Variants in HAUS6 observed in about 807,000 individuals in gnomAD.
The protein encoded by HAUS6 is HAUS augmin like complex subunit 6.
In HAUS6, 80 loss-of-function variants were observed where a neutral mutation model predicts 106.8. That is an observed-to-expected ratio of 0.75 (90% CI 0.63 to 0.90). The LOEUF (loss-of-function observed/expected upper bound fraction) is 0.90, where lower values mean the gene tolerates loss of function less well. Among genes scored for constraint, HAUS6 ranks in the 40% least tolerant of loss-of-function variants. The pLI is 0.00. For synonymous variants in HAUS6, 356 were observed against 379.1 expected, an observed-to-expected ratio of 0.94 and a Z score of 0.71; for missense variants, 1,155 against 1,118.1, an observed-to-expected ratio of 1.03 and a Z score of -0.47.
At chr9:19,061,005 A>G (rs991047865) in intron 14 of HAUS6, among the ~76,000 whole-genome samples, 3 of 152,138 alleles carry the variant, frequency 2.0e-5, no homozygotes, top group African/African-American at 4.8e-5. Flanking sequence ...TCTCTACTAA[A>G]AATACAAAAT....
chr9:19,066,263 C>T (rs1406108221), intron 12 of HAUS6, among the ~76,000 whole-genome samples: 3 of 151,326 alleles, frequency 2.0e-5, no homozygotes, highest in Non-Finnish European at 2.9e-5. Flanking sequence ...TCGTGGTATA[C>T]AAAGCCTAGA....
chr9:19,096,324 G>T (rs1393710573), intron 2 of HAUS6, among the ~76,000 whole-genome samples: 1 of 152,210 alleles, frequency 6.6e-6, no homozygotes, highest in Non-Finnish European at 1.5e-5. Flanking sequence ...CAGCGCTTTG[G>T]GAGGCCGAGG....
chr9:19,064,070 C>T lies in HAUS6; in HGVS notation c.1377-490G>A, dbSNP rs13287117. 1.3e-4 allele frequency among the ~76,000 whole-genome samples: 20 copies of T among 151,532 alleles called. No homozygotes were observed. In the East Asian group the frequency reaches 3.7e-3, roughly 28 times the overall value. ...ACGACCTCCGCCTCCCAGGTTCAAG[C>T]GATTCTCCTGCCTCAGCCTCCTGAG... On this transcript the variant is annotated intron_variant, in intron 12 of 16. Transcript: ENST00000380502.
At chr9:19,091,350 T>C (rs1305368393) in intron 4 of HAUS6, among the ~76,000 whole-genome samples, 5 of 150,624 alleles carry the variant, frequency 3.3e-5, no homozygotes, top group African/African-American at 1.2e-4. Context: ...TAACAGGAAA[T>C]GAGTGTACCG....
chr9:19,060,541 T>G (rs906556508), intron 14 of HAUS6, among the ~76,000 whole-genome samples: 2 of 152,252 alleles, frequency 1.3e-5, no homozygotes, highest in African/African-American at 4.8e-5. Flanking sequence ...AGCTGCTGTC[T>G]GCCACAACTG....
chr9:19,100,577 G>C (rs921317680), intron 1 of HAUS6, among the ~76,000 whole-genome samples: 1 of 151,998 alleles, frequency 6.6e-6, no homozygotes, highest in African/African-American at 2.4e-5. Flanking sequence ...CCCACTGCTG[G>C]GTATATATCC....
chr9:19,086,316 AGGGGAG>A lies in HAUS6; in HGVS notation c.699+412_699+417del, dbSNP rs200062289. On this transcript the variant is annotated intron_variant, in intron 7 of 16. Transcript: ENST00000380502. Reference sequence around the variant, plus strand: ...AGTGAGACTCCATCTCAAAAGGGGGAGGGGAGGGGGAAGGGGAAGGGAGGCTGGGCG... The same window carrying A: ...AGTGAGACTCCATCTCAAAAGGGGGAGGGGAAGGGGAAGGGAGGCTGGGCG... 4.6e-3 allele frequency among the ~76,000 whole-genome samples: 627 copies of A among 136,014 alleles called. 3 individuals carry two copies. Among genetic ancestry groups the A allele is most frequent in the African/African-American group, 0.016 (600 of 37,128 alleles). The allele number at this position is 136,014 out of a possible 152,430, so 89.2% of individuals were successfully genotyped here.
chr9:19,063,727 T>C (rs1292764989), intron 12 of HAUS6, 147 bp from the exon 13 acceptor site: 1 of 767,186 alleles, frequency 1.3e-6, no homozygotes, highest in Non-Finnish European at 2.4e-6. Context: ...CAGTTTATTC[T>C]AGGGAGGCAT....
intron 5 of HAUS6, among the ~76,000 whole-genome samples, chr9:19,087,535 T>C (rs1837326183): frequency 6.6e-6 from 1 of 152,190 alleles, no homozygotes. Flanking sequence ...TACAAAGTTA[T>C]CCTACTGTAA....
At chr9:19,057,872 G>T in intron 16 of HAUS6, 89 bp downstream of exon 16, 2 of 711,010 alleles carry the variant, frequency 2.8e-6, no homozygotes, top group South Asian at 1.9e-5. Flanking sequence ...AACAATAAAG[G>T]TCATGCAGCA....
At chr9:19,102,043 GT>G (rs1380353397) in intron 1 of HAUS6, among the ~76,000 whole-genome samples, 2 of 152,146 alleles carry the variant, frequency 1.3e-5, no homozygotes, top group African/African-American at 2.4e-5. Flanking sequence ...TCTTAAAAGG[GT>G]ATTTGTTTTT....
chr9:19,058,206 G>C lies in HAUS6; in HGVS notation c.2561C>G (p.Ser854Trp), dbSNP rs149710112. 1 of 1,613,712 alleles carries C rather than the reference G, an allele frequency of 6.2e-7. No homozygotes were observed. The highest frequency in any genetic ancestry group is 1.7e-5 in the Admixed American group (1 of 59,994). Reference protein sequence around the residue: ...LSKKREESYLSNSQTPERHKP... With the variant: ...LSKKREESYLWNSQTPERHKP... ...GTGTCTTTCGGGTGTTTGGGAATTC[G>C]AGAGGTAAGATTCTTCCCTTTTCTT... Residue 854 changes from serine to tryptophan, a missense_variant, in exon 16 of 17, where the codon TCG becomes TGG. By Grantham distance (177) the Ser-to-Trp change is radical (BLOSUM62 -3). Transcript: ENST00000380502.
At position 19,063,104 on chromosome 9, in the gene HAUS6, A is replaced by G. The variant is rs1189437195; in HGVS notation, c.1533T>C (p.Asp511=). 1.9e-6 allele frequency: 3 copies of G among 1,605,712 alleles called. No individual in the cohort carries two copies. Among genetic ancestry groups the G allele is most frequent in the Non-Finnish European group, 2.6e-6 (3 of 1,174,022 alleles). The part of the protein sequence containing the change: ...EFEVENSPLS[D]VAKNTESSAF... The stretch of plus-strand genomic sequence containing the variant: ...CACTACTCTCTGTATTCTTTGCAAC[A>G]TCTGATAATGGAGAATTTTCCACTT... The change falls in exon 14 of 17, where the codon GAT becomes GAC. Residue 511 remains aspartate (D), a synonymous_variant. Coordinates refer to ENST00000380502, the MANE Select transcript of HAUS6 (RefSeq NM_017645.5).
chr9:19,094,254 TAA>T, intron 3 of HAUS6, 61 bp downstream of exon 3: 1 of 934,538 alleles, frequency 1.1e-6, no homozygotes, highest in South Asian at 1.4e-5. Context: ...TCTAAAAAGT[TAA>T]AGAGTTAAAG....
chr9:19,067,663 T>A (rs1836790757), intron 12 of HAUS6, among the ~76,000 whole-genome samples: 1 of 152,154 alleles, frequency 6.6e-6, no homozygotes, highest in African/African-American at 2.4e-5. Context: ...TCTGATAGTA[T>A]CTTGGTACAA....
intron 11 of HAUS6, among the ~76,000 whole-genome samples, chr9:19,072,183 T>A (rs964839543): frequency 1.0e-4 from 12 of 119,306 alleles, no homozygotes; most frequent in African/African-American, 4.2e-4. Flanking sequence ...ACAGTGAAAC[T>A]CCCTCTCAAA....
intron 11 of HAUS6, among the ~76,000 whole-genome samples, chr9:19,073,052 T>C (rs1836912748): frequency 6.6e-6 from 1 of 152,196 alleles, no homozygotes; most frequent in Non-Finnish European, 1.5e-5. Context: ...TATAGGTCTA[T>C]ACATATGTAA....
intron 11 of HAUS6, among the ~76,000 whole-genome samples, chr9:19,074,480 C>T (rs1292973043): frequency 1.3e-5 from 2 of 152,044 alleles, no homozygotes; most frequent in East Asian, 1.9e-4. Context: ...CTATGTTGTC[C>T]AGGCTGGTCT....
chr9:19,096,544 G>A, intron 2 of HAUS6, 130 bp downstream of exon 2: 2 of 539,200 alleles, frequency 3.7e-6, no homozygotes, highest in Non-Finnish European at 6.3e-6. Flanking sequence ...CAGCCTCGAT[G>A]ACGGAGTGAG....
Sources: allele counts gnomAD v4.1 joint callset (sites outside exome capture counted in the v4.1 genomes callset), GRCh38; gene constraint gnomAD v4.1.1; transcripts MANE v1.5; gene names NCBI Gene and HGNC (gene_info 2026-07-23, HGNC 2026-07-21).